The following ROBO2 variants were observed in gnomAD, a reference collection of about 807,000 sequenced individuals.
The protein encoded by ROBO2 is roundabout guidance receptor 2, also known as roundabout homolog 2.
Under a neutral mutation model 160.8 loss-of-function variants are expected in ROBO2, and 53 were observed. That is an observed-to-expected ratio of 0.33 (90% confidence interval 0.26 to 0.41). The LOEUF (loss-of-function observed/expected upper bound fraction) is 0.41, where lower values mean the gene tolerates loss of function less well. ROBO2 is among the 10% of genes least tolerant of loss of function. The pLI is 1.00. For synonymous variants in ROBO2, 664 were observed against 611.7 expected, an observed-to-expected ratio of 1.09 and a Z score of -1.26; for missense variants, 1,577 against 1,722.4, an observed-to-expected ratio of 0.92 and a Z score of 1.49.
chr3:76,819,416 A>G (rs543478318), intron 2 of ROBO2, among the ~76,000 whole-genome samples: 5 of 152,188 alleles, frequency 3.3e-5, no homozygotes, highest in Admixed American at 1.3e-4. Flanking sequence ...ACTGGGCTTT[A>G]TCTGAAAATT....
intron 2 of ROBO2, among the ~76,000 whole-genome samples, chr3:76,095,926 A>C (rs1251683822): frequency 2.0e-5 from 3 of 152,186 alleles, no homozygotes; most frequent in Non-Finnish European, 4.4e-5. Context: ...TGACATTAAT[A>C]ATTTTCTAGA....
chr3:75,914,141 G>A (rs2106761168), intron 1 of ROBO2, among the ~76,000 whole-genome samples: 1 of 152,222 alleles, frequency 6.6e-6, no homozygotes, highest in Non-Finnish European at 1.5e-5. Flanking sequence ...TATTGTAAAT[G>A]GATGTGACAT....
chr3:77,474,140 G>T (rs754074787), intron 2 of ROBO2, among the ~76,000 whole-genome samples: 5 of 152,060 alleles, frequency 3.3e-5, no homozygotes, highest in Non-Finnish European at 4.4e-5. Context: ...AAAAACCATC[G>T]TCCCCTTGTG....
chr3:77,277,165 T>TTTCTTTCTTTCTTTCTTTCTTTC (rs2059903724), intron 2 of ROBO2, among the ~76,000 whole-genome samples: 11 of 64,078 alleles, frequency 1.7e-4, no homozygotes, highest in South Asian at 5.2e-4. Context: ...TCCTTCTTTC[T>TTTCTTTCTTTCTTTCTTTCTTTC]TTCTTTCTTT....
At chr3:76,816,323 A>T (rs1057444332) in intron 2 of ROBO2, among the ~76,000 whole-genome samples, 13 of 152,128 alleles carry the variant, frequency 8.5e-5, no homozygotes, top group African/African-American at 2.4e-5. Context: ...TTCCAATTCT[A>T]GTTCATGTTC....
chr3:77,632,509 G>A, intron 23 of ROBO2: 2 of 1,535,432 alleles, frequency 1.3e-6, no homozygotes, highest in South Asian at 1.2e-5. Flanking sequence ...TGCATCTGAT[G>A]AGGATCGTAA....
At chr3:76,018,900 G>T (rs2066482280) in intron 2 of ROBO2, among the ~76,000 whole-genome samples, 1 of 151,942 alleles carries the variant, frequency 6.6e-6, no homozygotes, top group African/African-American at 2.4e-5. Context: ...CTCCCCACAT[G>T]GTTCGGTTTT....
intron 2 of ROBO2, among the ~76,000 whole-genome samples, chr3:77,309,028 T>A (rs998553091): frequency 6.6e-6 from 1 of 151,226 alleles, no homozygotes. Context: ...TGGGCATAGG[T>A]ACCCATATTA....
intron 2 of ROBO2, among the ~76,000 whole-genome samples, chr3:76,474,319 A>G (rs909336058): frequency 3.3e-4 from 50 of 152,290 alleles, no homozygotes; most frequent in African/African-American, 1.2e-3. Context: ...TAAATGATAC[A>G]TTATTATATA....
At chr3:77,134,786 C>G (rs907465488) in intron 2 of ROBO2, among the ~76,000 whole-genome samples, 2 of 152,178 alleles carry the variant, frequency 1.3e-5, no homozygotes, top group Non-Finnish European at 2.9e-5. Flanking sequence ...GAGGCCACTG[C>G]TAATTTCCCT....
intron 20 of ROBO2, 155 bp downstream of exon 21, chr3:77,602,646 CCTACCACCACCACCGCCACCACCA>C: frequency 3.5e-6 from 3 of 865,676 alleles, no homozygotes; most frequent in Non-Finnish European, 5.4e-6. Flanking sequence ...TTGAGTAATT[CCTACCACCACCACCGCCACCACCA>C]CCACCACCAC....
chr3:75,917,314 T>C (rs985174214), intron 1 of ROBO2, among the ~76,000 whole-genome samples: 58 of 152,294 alleles, frequency 3.8e-4, no homozygotes, highest in African/African-American at 1.2e-3. Context: ...CTGTGTTAGT[T>C]TGCTGAGGAT....
intron 2 of ROBO2, among the ~76,000 whole-genome samples, chr3:76,148,478 T>C (rs773809656): frequency 6.6e-6 from 1 of 152,076 alleles, no homozygotes; most frequent in Non-Finnish European, 1.5e-5. Flanking sequence ...ATCTTTTCCC[T>C]TTCATTACAG....
chr3:75,913,340 A>G (rs1415465818), intron 1 of ROBO2, among the ~76,000 whole-genome samples: 2 of 152,202 alleles, frequency 1.3e-5, no homozygotes, highest in Admixed American at 1.3e-4. Context: ...TTGGCTATGT[A>G]AGGCAGCACA....
At chr3:76,601,042 C>T (rs1332099448) in intron 2 of ROBO2, among the ~76,000 whole-genome samples, 1 of 152,164 alleles carries the variant, frequency 6.6e-6, no homozygotes. Context: ...AGTTCAAAAT[C>T]CAGCAGGGCA....
chr3:77,038,717 G>C (rs1253595694), upstream of ROBO2, among the ~76,000 whole-genome samples: 1 of 152,148 alleles, frequency 6.6e-6, no homozygotes, highest in Non-Finnish European at 1.5e-5. Flanking sequence ...GCCGCACCGG[G>C]GCACCGCCGA....
chr3:77,203,117 A>C (rs1432151897), intron 2 of ROBO2, among the ~76,000 whole-genome samples: 1 of 152,232 alleles, frequency 6.6e-6, no homozygotes, highest in Non-Finnish European at 1.5e-5. Flanking sequence ...TTTTATGTCC[A>C]GCGAATCAAT....
intron 2 of ROBO2, among the ~76,000 whole-genome samples, chr3:76,519,701 A>G (rs1343022627): frequency 6.6e-6 from 1 of 152,210 alleles, no homozygotes; most frequent in Non-Finnish European, 1.5e-5. Flanking sequence ...TCCTTTTGCT[A>G]GAAGAGATAT....
intron 14 of ROBO2, among the ~76,000 whole-genome samples, chr3:77,576,329 C>A (rs1245678313): frequency 6.6e-6 from 1 of 152,022 alleles, no homozygotes; most frequent in Non-Finnish European, 1.5e-5. Context: ...CATGGGATAT[C>A]TGCTGTCAGG....
Sources: gnomAD v4.1 joint callset for allele counts (sites outside exome capture counted in the v4.1 genomes callset) on GRCh38, gnomAD v4.1.1 for gene constraint, MANE v1.5 for transcripts, NCBI Gene and HGNC (gene_info 2026-07-23, HGNC 2026-07-21) for gene names.